TFEC: variants seen among roughly 807,000 people sequenced by gnomAD.
TFEC encodes transcription factor EC, also known as class E basic helix-loop-helix protein 34.
TFEC carries 31 observed loss-of-function variants against 41.6 expected under a neutral mutation model. That is an observed-to-expected ratio of 0.74 (90% CI 0.56 to 1.01). The LOEUF is 1.01. TFEC is among the 50% of genes least tolerant of loss of function. TFEC has a pLI of 0.00. For missense variants in TFEC, 402 were observed against 404.1 expected (o/e 0.99, Z 0.04); for synonymous variants, 143 against 140.6 (o/e 1.02, Z -0.12).
chr7:116,091,196 T>C (rs1426329754), intron 3 of TFEC, among the ~76,000 whole-genome samples: 1 of 152,162 alleles, frequency 6.6e-6, no homozygotes, highest in Non-Finnish European at 1.5e-5. Flanking sequence ...TTCTTCTAAT[T>C]CCTTATGCAT....
At chr7:116,065,888 T>G (rs1209515329) in intron 3 of TFEC, among the ~76,000 whole-genome samples, 2 of 152,056 alleles carry the variant, frequency 1.3e-5, no homozygotes, top group Non-Finnish European at 2.9e-5. Context: ...ACATAGTAGA[T>G]CTCACTGGAG....
intron 1 of TFEC, among the ~76,000 whole-genome samples, chr7:116,028,552 T>C (rs1043266757): frequency 7.2e-5 from 11 of 152,210 alleles, no homozygotes; most frequent in Admixed American, 4.6e-4. Context: ...CTTTGCACTA[T>C]GCATGTGTTT....
chr7:115,970,878 A>C (rs983871052), intron 3 of TFEC, among the ~76,000 whole-genome samples: 2 of 151,986 alleles, frequency 1.3e-5, no homozygotes, highest in Non-Finnish European at 2.9e-5. Context: ...TCACGTATAC[A>C]GTCTGCAGAG....
At chr7:116,098,182 C>T (rs553340477) in intron 3 of TFEC, among the ~76,000 whole-genome samples, 10 of 151,578 alleles carry the variant, frequency 6.6e-5, no homozygotes, top group Non-Finnish European at 1.3e-4. Flanking sequence ...TTTTTTGAGA[C>T]GGAGTCTCAC....
chr7:115,950,466 G>A (rs939045462), intron 6 of TFEC, among the ~76,000 whole-genome samples: 5 of 151,898 alleles, frequency 3.3e-5, no homozygotes, highest in African/African-American at 4.8e-5. Flanking sequence ...CCAAAATTCG[G>A]GGACCTTGGA....
intron 1 of TFEC, among the ~76,000 whole-genome samples, chr7:116,001,777 T>C (rs748381393): frequency 1.3e-5 from 2 of 151,898 alleles, no homozygotes; most frequent in South Asian, 2.1e-4. Context: ...ACAGAATATA[T>C]AAGGAGCTCA....
chr7:116,154,099 G>A (rs1165884667), intron 1 of TFEC, among the ~76,000 whole-genome samples: 2 of 152,132 alleles, frequency 1.3e-5, no homozygotes, highest in Non-Finnish European at 2.9e-5. Flanking sequence ...TAAGAGGACT[G>A]TTCTTTAATT....
At chr7:116,157,518 G>T (rs1190200842) in intron 1 of TFEC, among the ~76,000 whole-genome samples, 2 of 152,178 alleles carry the variant, frequency 1.3e-5, no homozygotes, top group African/African-American at 4.8e-5. Context: ...ATTATAACTA[G>T]TATATGGTGA....
intron 2 of TFEC, among the ~76,000 whole-genome samples, chr7:115,976,711 A>G (rs1793397736): frequency 6.6e-6 from 1 of 152,174 alleles, no homozygotes; most frequent in African/African-American, 2.4e-5. Context: ...AACGGGCAAA[A>G]ACCTTGTACT....
At chr7:116,154,966 G>A (rs915771618) in intron 1 of TFEC, among the ~76,000 whole-genome samples, 1 of 152,134 alleles carries the variant, frequency 6.6e-6, no homozygotes, top group East Asian at 1.9e-4. Context: ...ACTATCCCTT[G>A]CCAAATTTTC....
intron 1 of TFEC, among the ~76,000 whole-genome samples, chr7:116,119,830 T>G (rs2402032): frequency 0.34 from 51,219 of 151,512 alleles, 8,909 homozygotes; most frequent in East Asian, 0.58. Context: ...TTTGAAATAC[T>G]TCTCCCAAAA....
intron 1 of TFEC, among the ~76,000 whole-genome samples, chr7:115,997,003 G>T (rs891106327): frequency 2.0e-5 from 3 of 152,160 alleles, no homozygotes; most frequent in African/African-American, 4.8e-5. Flanking sequence ...TGGGGAGGGG[G>T]ATCTCATCAC....
At chr7:116,059,323 C>A (rs923840379) in intron 3 of TFEC, among the ~76,000 whole-genome samples, 2 of 151,830 alleles carry the variant, frequency 1.3e-5, no homozygotes, top group Non-Finnish European at 2.9e-5. Context: ...CCTAAATAAT[C>A]TATACCTGTT....
In TFEC at chr7:115,940,579, A is replaced by C; in HGVS notation, c.1016T>G (p.Phe339Cys). 6.2e-7 allele frequency: 1 copy of C among 1,612,944 alleles called. No individual in the cohort carries two copies. The highest frequency in any genetic ancestry group is 8.5e-7 in the Non-Finnish European group (1 of 1,179,370). ...VSKESSRRSS[F>C]SSDDGDEL ...TAATTCATCACCATCATCTGAGCTA[A>C]AGCTACTTCTCCTACTGCTTTCTTT... The change falls in exon 8 of 8, where the codon TTT becomes TGT. Residue 339 changes from phenylalanine to cysteine, a missense_variant. Phe to Cys is a radical substitution (Grantham distance 205, BLOSUM62 -2). Coordinates refer to ENST00000265440, the MANE Select transcript of TFEC (RefSeq NM_012252.4).
At chr7:115,946,236 A>G (rs1363143527) in intron 6 of TFEC, among the ~76,000 whole-genome samples, 1 of 151,166 alleles carries the variant, frequency 6.6e-6, no homozygotes, top group Non-Finnish European at 1.5e-5. Context: ...AGTAGAGTCT[A>G]AATTAGGCCT....
chr7:116,126,961 G>A (rs1798223766), intron 1 of TFEC, among the ~76,000 whole-genome samples: 1 of 152,050 alleles, frequency 6.6e-6, no homozygotes, highest in East Asian at 1.9e-4. Flanking sequence ...TGCCAAATAC[G>A]GATTTCTTCC....
intron 3 of TFEC, among the ~76,000 whole-genome samples, chr7:115,967,997 T>G (rs1314672694): frequency 6.6e-6 from 1 of 151,768 alleles, no homozygotes; most frequent in Non-Finnish European, 1.5e-5. Flanking sequence ...TTTACTATAG[T>G]CCAGAGCACT....
chr7:116,130,539 A>T (rs780000237), intron 1 of TFEC, among the ~76,000 whole-genome samples: 1 of 152,166 alleles, frequency 6.6e-6, no homozygotes, highest in Non-Finnish European at 1.5e-5. Flanking sequence ...TTTCCAGATA[A>T]TCATTCCAGT....
At chr7:115,973,610 T>C (rs775184100) in intron 3 of TFEC, among the ~76,000 whole-genome samples, 3 of 152,120 alleles carry the variant, frequency 2.0e-5, no homozygotes, top group Non-Finnish European at 2.9e-5. Context: ...TCCCTTCATA[T>C]TGCAGGAATT....
Sources: gnomAD v4.1 joint callset for allele counts (sites outside exome capture counted in the v4.1 genomes callset) on GRCh38, gnomAD v4.1.1 for gene constraint, MANE v1.5 for transcripts, NCBI Gene and HGNC (gene_info 2026-07-23, HGNC 2026-07-21) for gene names.